NKAIN3: variants seen among roughly 807,000 people sequenced by gnomAD.
NKAIN3 encodes sodium/potassium transporting ATPase interacting 3, also known as sodium/potassium-transporting ATPase subunit beta-1-interacting protein 3.
NKAIN3 carries 25 observed loss-of-function variants against 30.2 expected under a neutral mutation model. The observed-to-expected ratio is 0.83, with a 90% CI of 0.60 to 1.16. The LOEUF (loss-of-function observed/expected upper bound fraction) is 1.16. Ranked by LOEUF, NKAIN3 falls within the 50% of genes most tolerant of loss-of-function variation. The pLI, the probability that NKAIN3 is intolerant of heterozygous loss-of-function variation, is 0.00. For missense variants in NKAIN3, 225 were observed against 254.1 expected (o/e 0.89, Z 0.78); for synonymous variants, 91 against 89.6 (o/e 1.02, Z -0.09).
intron 4 of NKAIN3, among the ~76,000 whole-genome samples, chr8:62,798,324 C>T (rs1023610424): frequency 6.6e-6 from 1 of 152,140 alleles, no homozygotes; most frequent in African/African-American, 2.4e-5. Flanking sequence ...GTAATCCCAG[C>T]ACTTTGGGAG....
At chr8:62,317,755 T>A (rs1024596857) in intron 1 of NKAIN3, among the ~76,000 whole-genome samples, 2 of 152,262 alleles carry the variant, frequency 1.3e-5, no homozygotes, top group Non-Finnish European at 2.9e-5. Context: ...GACTTGGCAA[T>A]GTGGACTCTT....
chr8:62,953,411 A>G (rs1823337643), intron 5 of NKAIN3, among the ~76,000 whole-genome samples: 1 of 152,226 alleles, frequency 6.6e-6, no homozygotes, highest in African/African-American at 2.4e-5. Context: ...GGGAGGAAAC[A>G]AAATCTTTGC....
intron 4 of NKAIN3, among the ~76,000 whole-genome samples, chr8:62,814,589 A>G (rs1818614977): frequency 6.6e-6 from 1 of 151,990 alleles, no homozygotes; most frequent in African/African-American, 2.4e-5. Flanking sequence ...ACTCAAAACC[A>G]CTCAAATACA....
intron 1 of NKAIN3, among the ~76,000 whole-genome samples, chr8:62,529,870 T>G (rs2129832483): frequency 6.6e-6 from 1 of 152,230 alleles, no homozygotes; most frequent in Admixed American, 6.5e-5. Flanking sequence ...TGAGCTCTTG[T>G]TATCTTTGTA....
intron 3 of NKAIN3, among the ~76,000 whole-genome samples, chr8:62,652,217 GA>G (rs1812643460): frequency 1.3e-5 from 2 of 152,144 alleles, no homozygotes; most frequent in Admixed American, 1.3e-4. Context: ...TAAACTTTCA[GA>G]CCACAGCAGT....
chr8:62,506,925 G>A (rs2129714129), intron 1 of NKAIN3, among the ~76,000 whole-genome samples: 1 of 152,234 alleles, frequency 6.6e-6, no homozygotes, highest in Admixed American at 6.5e-5. Flanking sequence ...ATGTAGAATT[G>A]ATAATGGGTT....
intron 4 of NKAIN3, among the ~76,000 whole-genome samples, chr8:62,800,012 G>A (rs1454607410): frequency 3.3e-5 from 5 of 152,130 alleles, no homozygotes; most frequent in Non-Finnish European, 7.4e-5. Flanking sequence ...AGGACGCAAT[G>A]CATAAGAATG....
intron 3 of NKAIN3, among the ~76,000 whole-genome samples, chr8:62,598,595 G>A (rs544486485): frequency 6.6e-6 from 1 of 152,144 alleles, no homozygotes; most frequent in East Asian, 1.9e-4. Context: ...CTACATAGGG[G>A]CAGTGCAGAT....
chr8:62,486,683 C>T (rs921317789), intron 1 of NKAIN3, among the ~76,000 whole-genome samples: 1 of 152,078 alleles, frequency 6.6e-6, no homozygotes, highest in Admixed American at 6.5e-5. Flanking sequence ...CGACACACAC[C>T]CTGGATTGGA....
At chr8:62,611,619 T>C (rs1228875650) in intron 3 of NKAIN3, among the ~76,000 whole-genome samples, 1 of 152,146 alleles carries the variant, frequency 6.6e-6, no homozygotes, top group Non-Finnish European at 1.5e-5. Context: ...AATAACTGGA[T>C]CTCATTCTTT....
chr8:62,255,054 A>G (rs1812223345), intron 1 of NKAIN3, among the ~76,000 whole-genome samples: 1 of 152,138 alleles, frequency 6.6e-6, no homozygotes, highest in South Asian at 2.1e-4. Flanking sequence ...AACTCCCCAT[A>G]CCTCAGAATG....
At position 62,955,046 on chromosome 8, in the gene NKAIN3, CA is replaced by C. The variant is rs200376179; in HGVS notation, c.603+1075del. On this transcript the variant is annotated intron_variant, in intron 6 of 6. Coordinates refer to ENST00000623646, the MANE Select transcript of NKAIN3 (RefSeq NM_001304533.3). ...AGTTTCACCTGCTGCCTCTTTGCCACAGTGGTTCTTACCCAAATATGCAGCT... is the reference window on the plus strand; with the variant it reads ...AGTTTCACCTGCTGCCTCTTTGCCACGTGGTTCTTACCCAAATATGCAGCT... Among the ~76,000 whole-genome samples the C allele has an allele frequency of 7.7e-3, 1,166 of 152,262 alleles. 9 individuals are homozygous for C. Among genetic ancestry groups the C allele is most frequent in the African/African-American group, 0.026 (1,086 of 41,554 alleles).
At chr8:62,427,741 G>A (rs1804853577) in intron 1 of NKAIN3, among the ~76,000 whole-genome samples, 1 of 151,384 alleles carries the variant, frequency 6.6e-6, no homozygotes, top group African/African-American at 2.4e-5. Flanking sequence ...CACATTATAG[G>A]GTACATGTGT....
chr8:62,645,010 A>G (rs1052280809), intron 3 of NKAIN3, among the ~76,000 whole-genome samples: 21 of 152,124 alleles, frequency 1.4e-4, no homozygotes, highest in African/African-American at 5.1e-4. Flanking sequence ...TGTAGCAAAT[A>G]TTACTTGTTG....
chr8:62,480,431 C>A (rs371195443), intron 1 of NKAIN3, among the ~76,000 whole-genome samples: 1 of 151,106 alleles, frequency 6.6e-6, no homozygotes, highest in East Asian at 2.0e-4. Context: ...GGGGGAAAAT[C>A]ACTCCATAGC....
chr8:62,376,508 G>C (rs532044562), intron 1 of NKAIN3, among the ~76,000 whole-genome samples: 13 of 152,158 alleles, frequency 8.5e-5, no homozygotes, highest in Non-Finnish European at 1.5e-4. Context: ...TCTGTGATAG[G>C]GACTCCCAGG....
intron 1 of NKAIN3, among the ~76,000 whole-genome samples, chr8:62,269,364 T>A (rs1033765264): frequency 6.6e-6 from 1 of 152,186 alleles, no homozygotes; most frequent in African/African-American, 2.4e-5. Context: ...TTGCCCAGTT[T>A]ATGGAATTCT....
chr8:62,862,670 T>C (rs1820288740), intron 4 of NKAIN3, among the ~76,000 whole-genome samples: 1 of 152,128 alleles, frequency 6.6e-6, no homozygotes, highest in Non-Finnish European at 1.5e-5. Context: ...TGCTTTGGAA[T>C]TGAAGAAAAT....
chr8:62,799,180 G>T (rs1455044568), intron 4 of NKAIN3, among the ~76,000 whole-genome samples: 2 of 152,182 alleles, frequency 1.3e-5, no homozygotes, highest in Admixed American at 1.3e-4. Flanking sequence ...AAACTAGGAA[G>T]CAGTCTGCCC....
Sources: allele counts gnomAD v4.1 joint callset (sites outside exome capture counted in the v4.1 genomes callset), GRCh38; gene constraint gnomAD v4.1.1; transcripts MANE v1.5; gene names NCBI Gene and HGNC (gene_info 2026-07-23, HGNC 2026-07-21).